ACSM1: variants seen among roughly 807,000 people sequenced by gnomAD.
ACSM1 encodes the protein acyl-CoA synthetase medium chain family member 1.
A neutral mutation model predicts 75.8 loss-of-function variants in ACSM1; 79 were observed. The observed-to-expected ratio is 1.04, with a 90% CI of 0.87 to 1.26. The LOEUF (loss-of-function observed/expected upper bound fraction) is 1.26, where lower values mean the gene tolerates loss of function less well. ACSM1 is among the 50% of genes most tolerant of loss of function. The probability of loss-of-function intolerance (pLI) is 0.00; values close to 1 mark genes in which losing one functional copy is unlikely to be tolerated. For synonymous variants in ACSM1, 279 were observed against 265.8 expected (o/e 1.05, Z -0.48); for missense variants, 676 against 720.1 (o/e 0.94, Z 0.70).
intron 8 of ACSM1, among the ~76,000 whole-genome samples, chr16:20,640,198 C>T (rs1178296193): frequency 6.6e-6 from 1 of 152,232 alleles, no homozygotes; most frequent in Non-Finnish European, 1.5e-5. Context: ...AGTGACTCTT[C>T]CTCTACCCTT....
chr16:20,659,710 A>G (rs2019195242), intron 7 of ACSM1, among the ~76,000 whole-genome samples: 1 of 152,086 alleles, frequency 6.6e-6, no homozygotes, highest in South Asian at 2.1e-4. Context: ...CATATCCAGG[A>G]GATAATCAAC....
intron 13 of ACSM1, 107 bp downstream of exon 13, chr16:20,623,989 G>A (rs1449532415): frequency 2.6e-6 from 4 of 1,511,608 alleles, no homozygotes; most frequent in Non-Finnish European, 2.7e-6. Flanking sequence ...CTTCAGTGTT[G>A]TAAACCTCCA....
chr16:20,651,572 T>C (rs1441421329), intron 7 of ACSM1, among the ~76,000 whole-genome samples: 4 of 152,136 alleles, frequency 2.6e-5, no homozygotes, highest in Admixed American at 6.6e-5. Flanking sequence ...GAGGTTGCAG[T>C]GAGCTGAGAT....
intron 4 of ACSM1, among the ~76,000 whole-genome samples, chr16:20,672,471 A>AAAAAAAAATAT (rs1555473775): frequency 7.7e-5 from 5 of 64,570 alleles, no homozygotes; most frequent in East Asian, 1.3e-3. Flanking sequence ...AAAAAAAAAA[A>AAAAAAAAATAT]ATATATATAT....
chr16:20,657,325 TCA>T (rs1286987388), intron 7 of ACSM1, among the ~76,000 whole-genome samples: 1 of 152,084 alleles, frequency 6.6e-6, no homozygotes, highest in Admixed American at 6.6e-5. Context: ...TTTGTTTTTT[TCA>T]CACAGAGTCT....
intron 3 of ACSM1, among the ~76,000 whole-genome samples, chr16:20,683,484 A>T (rs892479490): frequency 6.6e-6 from 1 of 150,876 alleles, no homozygotes; most frequent in Non-Finnish European, 1.5e-5. Flanking sequence ...AAAACACCAC[A>T]CTTCTCGTCC....
intron 1 of ACSM1, 120 bp downstream of exon 1, chr16:20,697,516 C>T (rs1381289576): frequency 6.6e-6 from 1 of 151,710 alleles, no homozygotes; most frequent in Non-Finnish European, 1.5e-5. Context: ...CCCAAGGTCA[C>T]TCAACTTAAA....
rs1596809322 is a variant in ACSM1 at position 20,637,383 on chromosome 16, G to A, written c.1185C>T (p.Pro395=). The A allele has an allele frequency of 1.2e-6, 2 of 1,613,980 alleles. No individual in the cohort carries two copies. Among genetic ancestry groups the A allele is most frequent in the East Asian group, 4.5e-5 (2 of 44,888 alleles). ...KPGFMGKATP[P]YDVQVIDDKG... is the part of the protein sequence containing the mutation. Reference sequence around the variant, plus strand: ...CTTAGGACCAGACCTGGACGTCGTAGGGTGGAGTGGCCTTCCCCATGAAAC... The same window carrying A: ...CTTAGGACCAGACCTGGACGTCGTAAGGTGGAGTGGCCTTCCCCATGAAAC... The change falls in exon 9 of 14, where the codon CCC becomes CCT. Residue 395 remains proline, a synonymous_variant. Coordinates refer to ENST00000520010, the MANE Select transcript of ACSM1 (RefSeq NM_001318890.3).
intron 7 of ACSM1, among the ~76,000 whole-genome samples, chr16:20,652,290 C>A (rs575475493): frequency 1.3e-5 from 2 of 151,934 alleles, no homozygotes; most frequent in African/African-American, 4.8e-5. Flanking sequence ...GGGTAATTTC[C>A]AATTTAAGAA....
intron 8 of ACSM1, 136 bp from the exon 9 acceptor site, chr16:20,637,587 A>AG (rs1232032361): frequency 2.6e-6 from 2 of 783,982 alleles, no homozygotes; most frequent in Non-Finnish European, 4.3e-6. Flanking sequence ...GAGCCCTCGT[A>AG]GGGAAGCTGG....
chr16:20,629,617 A>G (rs1430054994), intron 10 of ACSM1, among the ~76,000 whole-genome samples: 1 of 152,232 alleles, frequency 6.6e-6, no homozygotes, highest in Non-Finnish European at 1.5e-5. Context: ...AAGCTTTCCA[A>G]TCCAAAGGAA....
rs543501923 is a variant in ACSM1, at chr16:20,635,474, A to T, written c.1299+1265T>A. ...GGTTGCATCCAAGTACTACTATTTT[A>T]AAAAATCTCCTGAAATGATTGTAAT... On this transcript the variant is annotated intron_variant, in intron 10 of 13. Transcript: ENST00000520010. 9.8e-4 allele frequency among the ~76,000 whole-genome samples: 149 copies of T among 152,344 alleles called. 5 individuals carry two copies. The South Asian group carries it at 0.028, about 29-fold the overall frequency.
rs1031212603 is a variant in ACSM1, at chr16:20,654,281, T to C, written c.992+7513A>G. ...GGATTAAAGACTGAAATGTTAGACC[T>C]AAAACCATAAAAACCCTAGAAGAAA... On this transcript the variant is annotated intron_variant, in intron 7 of 13. Transcript: ENST00000520010. Among the ~76,000 whole-genome samples the C allele has an allele frequency of 3.3e-5, 5 of 152,264 alleles. No individual in the cohort carries two copies. In the East Asian group the frequency reaches 9.6e-4, roughly 29 times the overall value.
Position 20,664,459 on chromosome 16 carries a change from C to T in ACSM1, c.913-2586G>A, listed in dbSNP as rs190480774. Reference sequence around the variant, plus strand: ...GTTCAGTTCGACAAGAAGACTTAACCGTCCTGAATATATGCACACCAAATG... The same window carrying T: ...GTTCAGTTCGACAAGAAGACTTAACTGTCCTGAATATATGCACACCAAATG... On this transcript the variant is annotated intron_variant, in intron 6 of 13. Coordinates refer to ENST00000520010, the MANE Select transcript of ACSM1 (RefSeq NM_001318890.3). 2.2e-4 allele frequency among the ~76,000 whole-genome samples: 34 copies of T among 152,194 alleles called. No individual in the cohort carries two copies. The East Asian group carries it at 2.7e-3, about 12-fold the overall frequency.
At chr16:20,681,189 A>G (rs898611883) in intron 4 of ACSM1, 5 of 152,218 alleles carry the variant, frequency 3.3e-5, no homozygotes, top group Admixed American at 1.3e-4. Context: ...ATTATAACCA[A>G]TGAAACATCA....
intron 11 of ACSM1, 41 bp from the exon 12 acceptor site, chr16:20,625,563 G>A: frequency 1.9e-6 from 3 of 1,566,106 alleles, no homozygotes; most frequent in Non-Finnish European, 2.6e-6. Flanking sequence ...CAGGGCTGGG[G>A]TGAACCAAGT....
At chr16:20,696,385 G>A (rs769090080) in intron 1 of ACSM1, among the ~76,000 whole-genome samples, 3 of 152,146 alleles carry the variant, frequency 2.0e-5, no homozygotes, top group Admixed American at 6.5e-5. Context: ...CACCGTGCTG[G>A]ACATAGTAAG....
chr16:20,628,542 T>G (rs183499969), intron 10 of ACSM1, among the ~76,000 whole-genome samples: 1 of 152,288 alleles, frequency 6.6e-6, no homozygotes. Context: ...ATATAACTGT[T>G]TGGGACTGTT....
At chr16:20,653,914 C>CAT (rs1212931545) in intron 7 of ACSM1, among the ~76,000 whole-genome samples, 1 of 143,974 alleles carries the variant, frequency 6.9e-6, no homozygotes, top group African/African-American at 2.9e-5. Flanking sequence ...CTTTAAAGTT[C>CAT]ATATGGAACC....
Sources: gnomAD v4.1 joint callset for allele counts (sites outside exome capture counted in the v4.1 genomes callset) on GRCh38, gnomAD v4.1.1 for gene constraint, MANE v1.5 for transcripts, NCBI Gene and HGNC (gene_info 2026-07-23, HGNC 2026-07-21) for gene names.